The following RAD51 variants were observed in gnomAD, a reference collection of about 807,000 sequenced individuals.
RAD51 encodes RAD51 recombinase.
A neutral mutation model predicts 41.5 loss-of-function variants in RAD51; 14 were observed. The ratio of observed to expected loss-of-function variants is 0.34; its 90% CI spans 0.22 to 0.53. The LOEUF (loss-of-function observed/expected upper bound fraction) is 0.53, where lower values mean the gene tolerates loss of function less well. RAD51 is among the 20% of genes least tolerant of loss of function. The pLI, the probability that RAD51 is intolerant of heterozygous loss-of-function variation, is 0.95. For missense variants in RAD51, 234 were observed against 422.0 expected (o/e 0.55, Z 3.90); for synonymous variants, 136 against 148.6 (o/e 0.92, Z 0.62).
intron 3 of RAD51, chr15:40,701,704 ATTTC>A (rs1895006095): frequency 4.9e-6 from 1 of 204,780 alleles, no homozygotes; most frequent in Non-Finnish European, 9.9e-6. Context: ...TTATGAACCT[ATTTC>A]TTCAGTGTTT....
At chr15:40,724,807 T>C (rs915822766) in intron 6 of RAD51, among the ~76,000 whole-genome samples, 9 of 147,678 alleles carry the variant, frequency 6.1e-5, no homozygotes, top group African/African-American at 2.2e-4. Flanking sequence ...ACCTCCCAAG[T>C]AGCTGGGACT....
intron 2 of RAD51, among the ~76,000 whole-genome samples, chr15:40,700,857 T>C (rs978032865): frequency 4.6e-5 from 7 of 152,188 alleles, no homozygotes; most frequent in African/African-American, 1.7e-4. Flanking sequence ...CGCCATTTTA[T>C]ATAAGGGACT....
At chr15:40,708,949 C>T (rs899468662) in intron 4 of RAD51, 76 bp from the exon 5 acceptor site, 1 of 1,252,620 alleles carries the variant, frequency 8.0e-7, no homozygotes, top group Non-Finnish European at 1.2e-6. Context: ...TTCTGATGAG[C>T]TCCAAGAACA....
At chr15:40,698,310 T>C (rs1379057049) in intron 1 of RAD51, among the ~76,000 whole-genome samples, 1 of 151,810 alleles carries the variant, frequency 6.6e-6, no homozygotes, top group Non-Finnish European at 1.5e-5. Flanking sequence ...TGCCTCAGCC[T>C]CCCGAGTAGC....
At chr15:40,725,918 G>C (rs929315791) in intron 6 of RAD51, among the ~76,000 whole-genome samples, 35 of 152,046 alleles carry the variant, frequency 2.3e-4, no homozygotes, top group African/African-American at 7.5e-4. Context: ...CCCAGGAGGC[G>C]GAGGTTGCAG....
At chr15:40,712,008 G>T (rs1006011657) in intron 5 of RAD51, among the ~76,000 whole-genome samples, 2 of 150,544 alleles carry the variant, frequency 1.3e-5, no homozygotes, top group Non-Finnish European at 2.9e-5. Flanking sequence ...GGAGGCCAAG[G>T]TTGCCATGAG....
At chr15:40,722,951 T>C (rs555217556) in intron 6 of RAD51, among the ~76,000 whole-genome samples, 210 of 152,278 alleles carry the variant, frequency 1.4e-3, no homozygotes, top group African/African-American at 4.9e-3. Flanking sequence ...ATTTGCAAAT[T>C]ACGTATCTGA....
At chr15:40,696,596 A>G (rs1476422883) in intron 1 of RAD51, among the ~76,000 whole-genome samples, 1 of 152,210 alleles carries the variant, frequency 6.6e-6, no homozygotes, top group Non-Finnish European at 1.5e-5. Context: ...ACCACTTAAT[A>G]GAATGGTCCT....
chr15:40,729,460 G>T, intron 7 of RAD51, 45 bp from the exon 8 acceptor site: 1 of 1,585,638 alleles, frequency 6.3e-7, no homozygotes, highest in Non-Finnish European at 8.6e-7. Flanking sequence ...ACCAGAATCT[G>T]ACACAGGCTA....
At chr15:40,725,035 G>A (rs1334140655) in intron 6 of RAD51, among the ~76,000 whole-genome samples, 1 of 151,338 alleles carries the variant, frequency 6.6e-6, no homozygotes, top group East Asian at 1.9e-4. Flanking sequence ...CAGTAGCTGG[G>A]ACTACAGGCG....
rs1423461847 is a variant in RAD51 at position 40,724,676 on chromosome 15, T to G, written c.531-4035T>G. On this transcript the variant is annotated intron_variant, in intron 6 of 9. Coordinates refer to ENST00000267868, the MANE Select transcript of RAD51 (RefSeq NM_002875.5). ...AAGCCCAGCTAATTTTTTTATTTCT[T>G]TTTTTTTTTTTTTTTTTTTTTGAGA... 5.4e-4 allele frequency among the ~76,000 whole-genome samples: 58 copies of G among 108,178 alleles called. 4 individuals are homozygous for G. The highest frequency in any genetic ancestry group is 9.0e-4 in the Non-Finnish European group (47 of 52,348). 71.0% of individuals were successfully genotyped at this position (108,178 alleles called of 152,430 possible). A position where few individuals can be genotyped will look rare whatever the true frequency, so the allele number is the denominator to read the frequency against.
intron 9 of RAD51, among the ~76,000 whole-genome samples, chr15:40,730,511 A>ATTTTTTTTCTTTTTT (rs1896814598): frequency 3.5e-5 from 3 of 86,088 alleles, no homozygotes; most frequent in Non-Finnish European, 7.5e-5. Context: ...TCTTGAAAAA[A>ATTTTTTTTCTTTTTT]TTTTTTTTCT....
At chr15:40,725,388 T>C (rs1896529732) in intron 6 of RAD51, among the ~76,000 whole-genome samples, 1 of 152,220 alleles carries the variant, frequency 6.6e-6, no homozygotes, top group South Asian at 2.1e-4. Context: ...CAGGTCTCTT[T>C]ATCAAGAAAA....
In RAD51 at chr15:40,698,851, T is replaced by C. The variant is rs1164997437; in HGVS notation, c.87+6T>C. On this transcript the variant is annotated splice_donor_region_variant and intron_variant, in intron 2 of 9. Coordinates refer to ENST00000267868, the MANE Select transcript of RAD51 (RefSeq NM_002875.5). Reference sequence around the variant, plus strand: ...AACCCATTTCACGGTTAGAGGTATGTGGTTAGTTGCTAATTTTGGAATTAT... The same window carrying C: ...AACCCATTTCACGGTTAGAGGTATGCGGTTAGTTGCTAATTTTGGAATTAT... The C allele has an allele frequency of 1.2e-6, 2 of 1,612,970 alleles. No individual in the cohort carries two copies. The highest frequency in any genetic ancestry group is 4.5e-5 in the East Asian group (2 of 44,868).
chr15:40,721,929 AT>A (rs1238412613), intron 6 of RAD51, among the ~76,000 whole-genome samples: 1 of 152,220 alleles, frequency 6.6e-6, no homozygotes, highest in African/African-American at 2.4e-5. Context: ...CCCAATGTCC[AT>A]TGACAAATGA....
intron 1 of RAD51, among the ~76,000 whole-genome samples, chr15:40,696,821 C>T (rs1042850176): frequency 1.3e-5 from 2 of 150,596 alleles, no homozygotes; most frequent in Non-Finnish European, 3.0e-5. Context: ...ACAGTAATGT[C>T]TTAATGTGAT....
chr15:40,708,244 T>C (rs1316673253), intron 4 of RAD51, among the ~76,000 whole-genome samples: 1 of 149,572 alleles, frequency 6.7e-6, no homozygotes, highest in Non-Finnish European at 1.5e-5. Flanking sequence ...TTTTTTTTTT[T>C]TTTTTGAGGA....
At chr15:40,725,115 G>T (rs1407344152) in intron 6 of RAD51, among the ~76,000 whole-genome samples, 107 of 151,580 alleles carry the variant, frequency 7.1e-4, no homozygotes, top group African/African-American at 2.5e-3. Context: ...TAGCCAGGAT[G>T]GTCTCGATCT....
chr15:40,710,269 A>G (rs4924497), intron 5 of RAD51, among the ~76,000 whole-genome samples: 59,607 of 104,064 alleles, frequency 0.57, 17,528 homozygotes, highest in East Asian at 0.89. Context: ...AAAAAAAAAA[A>G]AGAAGAAGAA....
Sources: allele counts gnomAD v4.1 joint callset (sites outside exome capture counted in the v4.1 genomes callset), GRCh38; gene constraint gnomAD v4.1.1; transcripts MANE v1.5; gene names NCBI Gene and HGNC (gene_info 2026-07-23, HGNC 2026-07-21).